The following COLEC12 variants were observed in gnomAD, a reference collection of about 807,000 sequenced individuals.
COLEC12 encodes collectin-12.
In COLEC12, 33 loss-of-function variants were observed where a neutral mutation model predicts 71.1. That is an observed-to-expected ratio of 0.46 (90% confidence interval 0.35 to 0.62). The LOEUF is 0.62. Ranked by LOEUF, COLEC12 falls within the 20% of genes least tolerant of loss-of-function variation. COLEC12 has a pLI of 0.00. For missense variants in COLEC12, 765 were observed against 916.1 expected, an observed-to-expected ratio of 0.84 and a Z score of 2.13; for synonymous variants, 350 against 353.0, an observed-to-expected ratio of 0.99 and a Z score of 0.10.
intron 2 of COLEC12, among the ~76,000 whole-genome samples, chr18:361,269 T>G (rs1384625688): frequency 6.6e-6 from 1 of 152,170 alleles, no homozygotes; most frequent in Non-Finnish European, 1.5e-5. Flanking sequence ...CTATACAATG[T>G]TGCAGTCAGG....
At chr18:463,013 G>C (rs1343930755) in intron 2 of COLEC12, among the ~76,000 whole-genome samples, 1 of 152,216 alleles carries the variant, frequency 6.6e-6, no homozygotes, top group Non-Finnish European at 1.5e-5. Context: ...TCTGATAGCT[G>C]TTCTCTCAGG....
intron 1 of COLEC12, among the ~76,000 whole-genome samples, chr18:489,781 C>T (rs1329427698): frequency 6.6e-6 from 1 of 151,746 alleles, no homozygotes; most frequent in East Asian, 1.9e-4. Flanking sequence ...GAAAGGTGGA[C>T]AGGAACAGGA....
chr18:395,581 G>C (rs567869195), intron 2 of COLEC12, among the ~76,000 whole-genome samples: 8 of 152,354 alleles, frequency 5.3e-5, no homozygotes, highest in African/African-American at 1.9e-4. Flanking sequence ...TGCATTCCAA[G>C]AGGGTACTGT....
intron 2 of COLEC12, among the ~76,000 whole-genome samples, chr18:398,361 GC>G (rs1450732433): frequency 1.3e-5 from 2 of 152,156 alleles, no homozygotes; most frequent in Non-Finnish European, 2.9e-5. Context: ...TCCAAGAAAA[GC>G]AACCACCATC....
chr18:341,604 T>C (rs560119807), intron 5 of COLEC12, among the ~76,000 whole-genome samples: 2 of 152,338 alleles, frequency 1.3e-5, no homozygotes, highest in South Asian at 4.1e-4. Context: ...CTGTTTTGTT[T>C]TCCACTGTAA....
chr18:493,870 T>C (rs1917662942), intron 1 of COLEC12, among the ~76,000 whole-genome samples: 1 of 152,214 alleles, frequency 6.6e-6, no homozygotes, highest in Non-Finnish European at 1.5e-5. Context: ...AGAGACAAAC[T>C]TGTTTAATGT....
intron 3 of COLEC12, among the ~76,000 whole-genome samples, chr18:354,525 T>TTTTA (rs1163017088): frequency 6.6e-6 from 1 of 152,252 alleles, no homozygotes; most frequent in Admixed American, 6.5e-5. Context: ...TTGAATATTC[T>TTTTA]TTTCTTTCTT....
chr18:451,826 C>G (rs1481267021), intron 2 of COLEC12, among the ~76,000 whole-genome samples: 1 of 152,012 alleles, frequency 6.6e-6, no homozygotes, highest in East Asian at 1.9e-4. Flanking sequence ...AAATTTGCAG[C>G]CTGGCCATGT....
intron 2 of COLEC12, among the ~76,000 whole-genome samples, chr18:463,937 C>A (rs1917035285): frequency 1.3e-5 from 2 of 152,192 alleles, no homozygotes; most frequent in African/African-American, 4.8e-5. Context: ...CTGGCCCATT[C>A]CCTGCACCTG....
In COLEC12 at chr18:427,942, T is replaced by A. The variant is rs185400424; in HGVS notation, c.58+52765A>T. ...AAAACATGCAATTCTACACACTCTGTTATTTGCTCCCAGGGAAGTCCTACC... is the reference window on the plus strand; with the variant it reads ...AAAACATGCAATTCTACACACTCTGATATTTGCTCCCAGGGAAGTCCTACC... On this transcript the variant is annotated intron_variant, in intron 2 of 9. Transcript: ENST00000400256. 2.6e-5 allele frequency among the ~76,000 whole-genome samples: 4 copies of A among 152,248 alleles called. No homozygotes were observed. The East Asian group carries it at 5.8e-4, about 22-fold the overall frequency.
chr18:409,042 G>T (rs1229946036), intron 2 of COLEC12, among the ~76,000 whole-genome samples: 1 of 151,884 alleles, frequency 6.6e-6, no homozygotes, highest in Non-Finnish European at 1.5e-5. Context: ...CACCATGTTG[G>T]TCAAGCTGGT....
At chr18:325,610 A>G (rs1363213927) in intron 8 of COLEC12, among the ~76,000 whole-genome samples, 2 of 143,716 alleles carry the variant, frequency 1.4e-5, no homozygotes, top group East Asian at 4.3e-4. Context: ...CATTACACCA[A>G]GAGTAAAAGG....
intron 2 of COLEC12, among the ~76,000 whole-genome samples, chr18:375,488 T>C (rs903218036): frequency 5.3e-5 from 8 of 152,190 alleles, no homozygotes; most frequent in African/African-American, 1.4e-4. Flanking sequence ...TTCTTGTTTA[T>C]TTTATGTATT....
intron 3 of COLEC12, among the ~76,000 whole-genome samples, chr18:357,047 G>A (rs1914642126): frequency 6.6e-6 from 1 of 152,080 alleles, no homozygotes; most frequent in African/African-American, 2.4e-5. Flanking sequence ...TTTCCTGTGT[G>A]CTGACTCCAG....
At chr18:356,540 T>C (rs1229456601) in intron 3 of COLEC12, among the ~76,000 whole-genome samples, 1 of 152,160 alleles carries the variant, frequency 6.6e-6, no homozygotes, top group Non-Finnish European at 1.5e-5. Context: ...CTTGGAGTCT[T>C]TCTTTTCCTG....
intron 1 of COLEC12, among the ~76,000 whole-genome samples, chr18:493,335 G>A (rs1243152003): frequency 1.3e-5 from 2 of 152,162 alleles, no homozygotes; most frequent in Non-Finnish European, 2.9e-5. Context: ...CCAAAGCACT[G>A]AAATTATAAG....
intron 2 of COLEC12, among the ~76,000 whole-genome samples, chr18:434,668 C>T (rs1268392960): frequency 6.6e-6 from 1 of 152,196 alleles, no homozygotes; most frequent in African/African-American, 2.4e-5. Context: ...CCTGAGATAT[C>T]TCCTCTCTCC....
At chr18:426,450 G>C (rs932916223) in intron 2 of COLEC12, among the ~76,000 whole-genome samples, 3 of 152,164 alleles carry the variant, frequency 2.0e-5, no homozygotes, top group African/African-American at 7.2e-5. Context: ...TCATAGACAT[G>C]AGTAAATTTT....
chr18:336,015 T>G lies in COLEC12; in HGVS notation c.1328-785A>C, dbSNP rs897549454. ...AGGATTTCCTCTTACTTATTTCCTC[T>G]TGTCCTTAATTTGGTAAATATTTAT... On this transcript the variant is annotated intron_variant, in intron 5 of 9. Transcript: ENST00000400256. Among the ~76,000 whole-genome samples the G allele has an allele frequency of 4.9e-4, 75 of 152,352 alleles. 1 individual carries two copies. Among genetic ancestry groups the G allele is most frequent in the African/African-American group, 1.6e-3 (65 of 41,588 alleles).
Sources: allele counts gnomAD v4.1 joint callset (sites outside exome capture counted in the v4.1 genomes callset), GRCh38; gene constraint gnomAD v4.1.1; transcripts MANE v1.5; gene names NCBI Gene and HGNC (gene_info 2026-07-23, HGNC 2026-07-21).